Variants in SH3BP2 observed in about 807,000 individuals in gnomAD.
SH3BP2 encodes the protein SH3 domain binding protein 2, also known as SH3 domain-binding protein 2.
In SH3BP2, 38 loss-of-function variants were observed where a neutral mutation model predicts 56.2. The ratio of observed to expected loss-of-function variants is 0.68; its 90% CI spans 0.52 to 0.89. SH3BP2 has a LOEUF of 0.89. SH3BP2 is among the 40% of genes least tolerant of loss of function. The pLI is 0.00. For synonymous variants in SH3BP2, 346 were observed against 316.7 expected (o/e 1.09, Z -0.98); for missense variants, 748 against 762.6 (o/e 0.98, Z 0.23).
rs1342089256 is a variant in SH3BP2, at chr4:2,829,097, C to T, written c.587-396C>T. Among the ~76,000 whole-genome samples, 1 of 152,186 alleles carries T rather than the reference C, an allele frequency of 6.6e-6. No homozygotes were observed. The highest frequency in any genetic ancestry group is 1.9e-4 in the East Asian group (1 of 5,188). ...GGATATGTTCTGAGCAAACACGGGCCTTCACCTTCCTCCCAGCTGCTCCCC... is the reference window on the plus strand; with the variant it reads ...GGATATGTTCTGAGCAAACACGGGCTTTCACCTTCCTCCCAGCTGCTCCCC... On this transcript the variant is annotated intron_variant, in intron 7 of 12. Coordinates refer to ENST00000503393, the MANE Select transcript of SH3BP2 (RefSeq NM_001122681.2). This position sits in a 1 kb window ranked among gnomAD's most constrained non-coding sequence, Gnocchi z 4.9.
chr4:2,818,112 G>A, intron 1 of SH3BP2: 1 of 643,142 alleles, frequency 1.6e-6, no homozygotes, highest in Non-Finnish European at 1.9e-6. Flanking sequence ...CCCGCGCACG[G>A]TGACGCGGCA....
chr4:2,827,764 C>A, intron 7 of SH3BP2, 90 bp downstream of exon 7: 1 of 1,129,062 alleles, frequency 8.9e-7, no homozygotes, highest in Non-Finnish European at 1.3e-6. Flanking sequence ...GCTGGGGATG[C>A]TGGCCCAGGT....
chr4:2,825,065 A>AG (rs1724524100), intron 4 of SH3BP2, 61 bp from the exon 5 acceptor site: 2 of 1,423,824 alleles, frequency 1.4e-6, no homozygotes, highest in South Asian at 2.5e-5. Flanking sequence ...GTGAAGGTGG[A>AG]GGGGTGCGGT....
Position 2,825,199 on chromosome 4 carries a change from G to A in SH3BP2, c.428+3G>A, listed in dbSNP as rs1422430340. 6.3e-7 allele frequency: 1 copy of A among 1,575,102 alleles called. No individual in the cohort carries two copies. Among genetic ancestry groups the A allele is most frequent in the South Asian group, 1.2e-5 (1 of 86,070 alleles). On this transcript the variant is annotated splice_donor_region_variant and intron_variant, in intron 5 of 12. Coordinates refer to ENST00000503393, the MANE Select transcript of SH3BP2 (RefSeq NM_001122681.2). ...AAAGACCTGCCCTTGGACACCAGGT[G>A]AGCCCGGGCCCAGGGCATACCGGGC... is the stretch of plus-strand genomic sequence containing the variant.
intron 1 of SH3BP2, among the ~76,000 whole-genome samples, chr4:2,807,352 G>A (rs535494328): frequency 6.6e-6 from 1 of 152,344 alleles, no homozygotes; most frequent in East Asian, 1.9e-4. Flanking sequence ...CTGGCCTCAT[G>A]TATGGACATG....
chr4:2,831,972 T>C lies in SH3BP2; in HGVS notation c.1400T>C (p.Val467Ala). ...VFVNTTESCE[V>A]ERLFKATSPR... ...GTCAACACCACGGAGTCCTGCGAAG[T>C]GGAAAGGTCAGCACAAAGCCCTGTG... The change falls in exon 10 of 13, where the codon GTG becomes GCG. Residue 467 changes from valine (V) to alanine (A), a missense_variant. This residue lies in a region of SH3BP2 where 635 missense variants were observed against 615.0 expected (regional missense o/e 1.03). Transcript: ENST00000503393. The surrounding 1 kb of genome is among the most constrained non-coding windows in gnomAD (Gnocchi z 4.1). 6.2e-7 allele frequency: 1 copy of C among 1,612,996 alleles called. No individual in the cohort carries two copies. Among genetic ancestry groups the C allele is most frequent in the Non-Finnish European group, 8.5e-7 (1 of 1,179,996 alleles).
chr4:2,834,350 G>A lies in SH3BP2; in HGVS notation c.*516G>A, dbSNP rs1163632518. On this transcript the variant is annotated 3_prime_UTR_variant, in exon 13 of 13. Coordinates refer to ENST00000503393, the MANE Select transcript of SH3BP2 (RefSeq NM_001122681.2). ...TACCAGCTTACTGGGTGCCCATGCT[G>A]ATGTCTAAGTGGTGACCGCAGCAGT... 6.4e-6 allele frequency: 1 copy of A among 156,682 alleles called. No homozygotes were observed. Among genetic ancestry groups the A allele is most frequent in the Non-Finnish European group, 1.4e-5 (1 of 70,886 alleles). The allele number at this position is 156,682 out of a possible 1,614,324, so 9.7% of individuals were successfully genotyped here. A position where few individuals can be genotyped will look rare whatever the true frequency, so the allele number is the denominator to read the frequency against.
At chr4:2,819,927 C>T (rs1379007518) in intron 1 of SH3BP2, among the ~76,000 whole-genome samples, 1 of 152,134 alleles carries the variant, frequency 6.6e-6, no homozygotes, top group Non-Finnish European at 1.5e-5. Flanking sequence ...CCAAGGCAGT[C>T]ACTGGTCCTC....
At chr4:2,818,460 C>A in intron 1 of SH3BP2, 1 of 900,062 alleles carries the variant, frequency 1.1e-6, no homozygotes, top group Non-Finnish European at 1.4e-6. Flanking sequence ...GACCCCGCAC[C>A]CCGAGCCCCT....
In SH3BP2 at chr4:2,832,869, C is replaced by T. The variant is rs767608642; in HGVS notation, c.1489-121C>T. ...CAGGTGGTCTGGAGTCCCTCCCCGCCCCCCGAGGGCCACAGGACCCAGCCT... is the reference window on the plus strand; with the variant it reads ...CAGGTGGTCTGGAGTCCCTCCCCGCTCCCCGAGGGCCACAGGACCCAGCCT... On this transcript the variant is annotated intron_variant, in intron 11 of 12. Transcript: ENST00000503393. The T allele has an allele frequency of 2.3e-5, 23 of 996,868 alleles. No homozygotes were observed. In the African/African-American group the frequency reaches 2.5e-4, roughly 11 times the overall value. The allele number at this position is 996,868 out of a possible 1,614,324, so 61.8% of individuals were successfully genotyped here.
At chr4:2,820,552 C>A (rs749840375) in intron 1 of SH3BP2, 62 bp from the exon 2 acceptor site, 1 of 1,607,532 alleles carries the variant, frequency 6.2e-7, no homozygotes, top group African/African-American at 1.3e-5. Context: ...CCCTGAGCGC[C>A]CTGGCTCAGC....
chr4:2,839,028 G>GT lies in SH3BP2; in HGVS notation c.*5196dup. 1 of 152,250 alleles carries GT rather than the reference G, an allele frequency of 6.6e-6. No homozygotes were observed. Among genetic ancestry groups the GT allele is most frequent in the Non-Finnish European group, 1.5e-5 (1 of 68,014 alleles). The allele number at this position is 152,250 out of a possible 1,614,324, so 9.4% of individuals were successfully genotyped here. A position where few individuals can be genotyped will look rare whatever the true frequency, so the allele number is the denominator to read the frequency against. On this transcript the variant is annotated 3_prime_UTR_variant, in exon 13 of 13. Transcript: ENST00000503393. ...TTTTGCCAGTCTGGTGGGGTGTATA[G>GT]TTATGGCCTTAATTTGCATTTAGCT...
chr4:2,804,229 C>T (rs552896345), intron 1 of SH3BP2, among the ~76,000 whole-genome samples: 94 of 152,316 alleles, frequency 6.2e-4, no homozygotes, highest in African/African-American at 1.8e-3. Context: ...CGAGTCTCTG[C>T]GGATGCGTGG....
In SH3BP2 at chr4:2,831,979, G is replaced by T. The variant is rs148376879; in HGVS notation, c.1406+1G>T. 1.2e-6 allele frequency: 2 copies of T among 1,612,950 alleles called. No homozygotes were observed. Among genetic ancestry groups the T allele is most frequent in the East Asian group, 2.2e-5 (1 of 44,886 alleles). On this transcript the variant is annotated splice_donor_variant, in intron 10 of 12. Coordinates refer to ENST00000503393, the MANE Select transcript of SH3BP2 (RefSeq NM_001122681.2). LOFTEE classifies it high-confidence loss of function. The surrounding 1 kb of genome is among the most constrained non-coding windows in gnomAD (Gnocchi z 4.1). ...CCACGGAGTCCTGCGAAGTGGAAAG[G>T]TCAGCACAAAGCCCTGTGTGTGCTG...
intron 1 of SH3BP2, chr4:2,799,332 G>A: frequency 2.2e-5 from 22 of 983,668 alleles, no homozygotes; most frequent in Non-Finnish European, 2.7e-5. Flanking sequence ...GGTGTGTAAA[G>A]TGGAGGGAGG....
At position 2,829,815 on chromosome 4, in the gene SH3BP2, C is replaced by T; in HGVS notation, c.909C>T (p.Pro303=). ...CTTGCTTCCGGGAGAGTGCCAGCCC[C>T]AGCCCGGAGCCCTGGACCCCTGGCC... ...KPPCFRESAS[P]SPEPWTPGHG... Residue 303 remains proline, a synonymous_variant, in exon 8 of 13, where the codon CCC becomes CCT. Coordinates refer to ENST00000503393, the MANE Select transcript of SH3BP2 (RefSeq NM_001122681.2). This position sits in a 1 kb window ranked among gnomAD's most constrained non-coding sequence, Gnocchi z 4.9. 6.2e-7 allele frequency: 1 copy of T among 1,613,436 alleles called. No homozygotes were observed. Among genetic ancestry groups the T allele is most frequent in the Non-Finnish European group, 8.5e-7 (1 of 1,179,926 alleles).
rs2108748422 is a variant in SH3BP2, at chr4:2,840,143, T to G, written c.*6309T>G. On this transcript the variant is annotated 3_prime_UTR_variant, in exon 13 of 13. Transcript: ENST00000503393. ...AGGTGGCTGGGGTGAGAGGATTGCT[T>G]GAGCCCAGAAGGTCAAGGCTGCAGT... is the stretch of plus-strand genomic sequence containing the variant. The G allele has an allele frequency of 6.7e-6, 1 of 149,208 alleles. No homozygotes were observed. Among genetic ancestry groups the G allele is most frequent in the South Asian group, 2.1e-4 (1 of 4,730 alleles). 9.2% of individuals were successfully genotyped at this position (149,208 alleles called of 1,614,324 possible). A position where few individuals can be genotyped will look rare whatever the true frequency, so the allele number is the denominator to read the frequency against.
rs775925001 is a variant in SH3BP2, at chr4:2,820,683, C to T, written c.66C>T (p.Thr22=). 7 of 1,614,174 alleles carry T rather than the reference C, an allele frequency of 4.3e-6. No homozygotes were observed. The highest frequency in any genetic ancestry group is 5.9e-6 in the Non-Finnish European group (7 of 1,180,006). ...CCATTGGTGCCCAGAACCTGCTAAC[C>T]ATGCCTGGGGGCGTGGCCAAGGCTG... The part of the protein sequence containing the change: ...MKAIGAQNLL[T]MPGGVAKAGY... Residue 22 remains threonine (T), a synonymous_variant, in exon 2 of 13, where the codon ACC becomes ACT. Coordinates refer to ENST00000503393, the MANE Select transcript of SH3BP2 (RefSeq NM_001122681.2).
In SH3BP2 at chr4:2,822,986, G is replaced by C; in HGVS notation, c.188G>C (p.Ser63Thr). ...AAACGCTGCGTCTACTACTTCAAGA[G>C]TAGCACCTCTGCCTCCCCGCAGGGC... ...IHKRCVYYFK[S>T]STSASPQGAF... The change falls in exon 3 of 13, where the codon AGT becomes ACT. Residue 63 changes from serine (S) to threonine (T), a missense_variant. Physicochemically the swap from Ser to Thr is moderately conservative, Grantham distance 58. Transcript: ENST00000503393. The C allele has an allele frequency of 6.2e-7, 1 of 1,614,132 alleles. No individual in the cohort carries two copies. The highest frequency in any genetic ancestry group is 8.5e-7 in the Non-Finnish European group (1 of 1,179,992).
Sources: allele counts gnomAD v4.1 joint callset (sites outside exome capture counted in the v4.1 genomes callset), GRCh38; gene constraint gnomAD v4.1.1; regional missense constraint gnomAD v4.1.1; non-coding constraint Gnocchi (gnomAD v3.1); transcripts MANE v1.5; gene names NCBI Gene and HGNC (gene_info 2026-07-23, HGNC 2026-07-21).